The following KTN1 variants were observed in gnomAD, a reference collection of about 807,000 sequenced individuals.
KTN1 encodes kinectin 1.
In KTN1, 130 loss-of-function variants were observed where a neutral mutation model predicts 222.5. The ratio of observed to expected loss-of-function variants is 0.58; its 90% CI spans 0.51 to 0.68. The LOEUF (loss-of-function observed/expected upper bound fraction) is 0.68, where lower values mean the gene tolerates loss of function less well. Ranked by LOEUF, KTN1 falls within the 30% of genes least tolerant of loss-of-function variation. The probability of loss-of-function intolerance (pLI) is 0.00; values close to 1 mark genes in which losing one functional copy is unlikely to be tolerated. For synonymous variants in KTN1, 512 were observed against 496.3 expected, an observed-to-expected ratio of 1.03 and a Z score of -0.42; for missense variants, 1,508 against 1,500.4, an observed-to-expected ratio of 1.01 and a Z score of -0.08.
At chr14:55,641,004 C>G in intron 16 of KTN1, 34 bp downstream of exon 16, 1 of 1,563,530 alleles carries the variant, frequency 6.4e-7, no homozygotes, top group East Asian at 2.2e-5. Context: ...GTCGTTCATA[C>G]ATTTATGTTT....
intron 1 of KTN1, among the ~76,000 whole-genome samples, chr14:55,598,383 C>G (rs2035408891): frequency 6.9e-6 from 1 of 145,066 alleles, no homozygotes; most frequent in African/African-American, 2.6e-5. Flanking sequence ...TGCAGTGAGC[C>G]GAGAACCCGC....
At chr14:55,675,730 A>T in intron 40 of KTN1, 105 bp from the exon 41 acceptor site, 1 of 720,680 alleles carries the variant, frequency 1.4e-6, no homozygotes. Flanking sequence ...TCCACTGTAC[A>T]TAATAACTGT....
chr14:55,625,959 C>G (rs2039762369), intron 5 of KTN1, among the ~76,000 whole-genome samples: 1 of 152,036 alleles, frequency 6.6e-6, no homozygotes, highest in South Asian at 2.1e-4. Flanking sequence ...CAGTGTCTGA[C>G]CTACTCTACA....
intron 43 of KTN1, chr14:55,681,025 C>T: frequency 4.2e-6 from 1 of 240,628 alleles, no homozygotes; most frequent in Non-Finnish European, 8.4e-6. Context: ...CTTATTTTAA[C>T]CTTGTACTTC....
Position 55,637,352 on chromosome 14 carries a change from A to G in KTN1, c.1704A>G (p.Gln568=). ...GGGTGAACAAAGAAGAGTCTCTACA[A>G]ATGCAGGTTCAGGTATTTTTTCTTC... ...QKRVNKEESL[Q]MQVQDILEQN... The change falls in exon 11 of 44, where the codon CAA becomes CAG. Residue 568 remains glutamine (Q), a synonymous_variant. Transcript: ENST00000395314. 6.4e-7 allele frequency: 1 copy of G among 1,561,224 alleles called. No individual in the cohort carries two copies. The highest frequency in any genetic ancestry group is 8.6e-7 in the Non-Finnish European group (1 of 1,156,918).
At chr14:55,593,111 A>C (rs2034418291) in intron 1 of KTN1, among the ~76,000 whole-genome samples, 1 of 152,028 alleles carries the variant, frequency 6.6e-6, no homozygotes, top group South Asian at 2.1e-4. Context: ...TATAATTTTC[A>C]TATTTTAAAT....
At chr14:55,667,752 CCTT>C (rs2044978811) in intron 34 of KTN1, 1 of 152,578 alleles carries the variant, frequency 6.6e-6, no homozygotes, top group African/African-American at 2.4e-5. Context: ...TCATCTATTA[CCTT>C]CTTCAAGCAG....
At chr14:55,639,034 A>G (rs2041462863) in intron 12 of KTN1, 151 bp from the exon 13 acceptor site, 1 of 509,758 alleles carries the variant, frequency 2.0e-6, no homozygotes, top group Non-Finnish European at 3.5e-6. Context: ...AATGATAGTT[A>G]CTCTTTATTG....
Position 55,667,244 on chromosome 14 carries a change from A to G in KTN1, c.3181A>G (p.Arg1061Gly), listed in dbSNP as rs528750103. The change falls in exon 34 of 44, where the codon AGG (arginine) becomes GGG (glycine). Residue 1061 changes from arginine to glycine, a missense_variant. Coordinates refer to ENST00000395314, the MANE Select transcript of KTN1 (RefSeq NM_001079521.2). ...TTTGGCTCATCTTCTGCTTTAGGAA[A>G]GGCAGCAACAGGTGGAAGCTGTTGA... ...QDKVNKTSKE[R>G]QQQVEAVELE... The G allele has an allele frequency of 1.2e-4, 186 of 1,591,208 alleles. 1 individual carries two copies. In the South Asian group the frequency reaches 2.0e-3, roughly 17 times the overall value.
intron 29 of KTN1, among the ~76,000 whole-genome samples, chr14:55,658,336 G>C (rs1363533390): frequency 6.6e-6 from 1 of 152,160 alleles, no homozygotes; most frequent in Non-Finnish European, 1.5e-5. Context: ...ATTCTATTTT[G>C]TTCCATTGAG....
rs2046616164 is a variant in KTN1 at position 55,684,518 on chromosome 14, G to T, written c.*415G>T. 4.8e-6 allele frequency: 1 copy of T among 207,914 alleles called. No homozygotes were observed. The highest frequency in any genetic ancestry group is 6.0e-5 in the Admixed American group (1 of 16,802). 12.9% of individuals were successfully genotyped at this position (207,914 alleles called of 1,614,324 possible). A position where few individuals can be genotyped will look rare whatever the true frequency, so the allele number is the denominator to read the frequency against. On this transcript the variant is annotated 3_prime_UTR_variant, in exon 44 of 44. Transcript: ENST00000395314. ...CTTCAACTCAAGAAAACACTTTTTT[G>T]TTGCTAATGTAATCGGTTTTTGTAA...
intron 41 of KTN1, among the ~76,000 whole-genome samples, chr14:55,677,473 TAAAAAA>T (rs72424779): frequency 2.0e-5 from 2 of 98,338 alleles, no homozygotes; most frequent in African/African-American, 8.5e-5. Flanking sequence ...AAAGACTGTC[TAAAAAA>T]AAAAAAAAAA....
intron 1 of KTN1, among the ~76,000 whole-genome samples, chr14:55,598,738 A>G (rs761437186): frequency 1.3e-5 from 2 of 152,206 alleles, no homozygotes; most frequent in East Asian, 3.8e-4. Flanking sequence ...GCTAAGTACT[A>G]TGTAAGTCTA....
chr14:55,584,178 G>A (rs4457912), intron 1 of KTN1, among the ~76,000 whole-genome samples: 54,566 of 152,016 alleles, frequency 0.36, 9,836 homozygotes, highest in South Asian at 0.4. Context: ...TTAAGGCCAT[G>A]CAGAATCTGG....
intron 1 of KTN1, among the ~76,000 whole-genome samples, chr14:55,594,162 T>G (rs1351721490): frequency 6.6e-6 from 1 of 152,198 alleles, no homozygotes; most frequent in African/African-American, 2.4e-5. Context: ...AGGAGGATCC[T>G]TATTGGAAGT....
chr14:55,652,559 C>T (rs182538474), intron 25 of KTN1, among the ~76,000 whole-genome samples: 13 of 152,078 alleles, frequency 8.5e-5, no homozygotes, highest in Admixed American at 3.9e-4. Flanking sequence ...CCACCACGCC[C>T]GGCTAATTTT....
In KTN1 at chr14:55,646,983, ATGT is replaced by A. The variant is rs2042430388; in HGVS notation, c.2187_2189del (p.Val730del). The A allele has an allele frequency of 1.3e-6, 2 of 1,535,086 alleles. No homozygotes were observed. Among genetic ancestry groups the A allele is most frequent in the African/African-American group, 2.7e-5 (2 of 73,334 alleles). ...TGATTTTTATTTTAGCCTAATAAGG[ATGT>A]TGTGGAACAAATGGAAAAATGGTAA... On this transcript the variant is annotated inframe_deletion, in exon 19 of 44. Coordinates refer to ENST00000395314, the MANE Select transcript of KTN1 (RefSeq NM_001079521.2).
chr14:55,658,760 A>G, intron 30 of KTN1, 146 bp downstream of exon 30: 1 of 594,370 alleles, frequency 1.7e-6, no homozygotes, highest in South Asian at 2.3e-5. Flanking sequence ...TATAAAAGAA[A>G]GCAACTTGCT....
intron 1 of KTN1, among the ~76,000 whole-genome samples, chr14:55,604,903 G>A (rs2036516072): frequency 6.6e-6 from 1 of 152,178 alleles, no homozygotes; most frequent in Admixed American, 6.5e-5. Context: ...GTTTCCTTTG[G>A]TTGCCTGATT....
Sources: allele counts gnomAD v4.1 joint callset (sites outside exome capture counted in the v4.1 genomes callset), GRCh38; gene constraint gnomAD v4.1.1; transcripts MANE v1.5; gene names NCBI Gene and HGNC (gene_info 2026-07-23, HGNC 2026-07-21).